The following LUC7L2 variants were observed in gnomAD, a reference collection of about 807,000 sequenced individuals.
LUC7L2 encodes the protein putative RNA-binding protein Luc7-like 2.
In LUC7L2, 25 loss-of-function variants were observed where a neutral mutation model predicts 52.8. That is an observed-to-expected ratio of 0.47 (90% CI 0.34 to 0.66). The LOEUF is 0.66. LUC7L2 is among the 30% of genes least tolerant of loss of function. The pLI, the probability that LUC7L2 is intolerant of heterozygous loss-of-function variation, is 0.01. For synonymous variants in LUC7L2, 144 were observed against 160.9 expected, an observed-to-expected ratio of 0.89 and a Z score of 0.80; for missense variants, 328 against 497.8, an observed-to-expected ratio of 0.66 and a Z score of 3.25.
intron 1 of LUC7L2, among the ~76,000 whole-genome samples, chr7:139,345,166 T>C (rs545240414): frequency 6.6e-6 from 1 of 152,134 alleles, no homozygotes; most frequent in Non-Finnish European, 1.5e-5. Flanking sequence ...AATTATAATT[T>C]CCATATCTAC....
At chr7:139,391,475 C>G (rs1202728695) in intron 2 of LUC7L2, among the ~76,000 whole-genome samples, 1 of 152,176 alleles carries the variant, frequency 6.6e-6, no homozygotes, top group Non-Finnish European at 1.5e-5. Context: ...GCAGTACACT[C>G]AAAATGTATA....
intron 1 of LUC7L2, among the ~76,000 whole-genome samples, chr7:139,354,804 G>C (rs1799560129): frequency 6.6e-6 from 1 of 151,248 alleles, no homozygotes; most frequent in African/African-American, 2.4e-5. Flanking sequence ...CTAGGACCCT[G>C]AAATTCAATC....
chr7:139,351,494 C>T (rs1384456287), intron 1 of LUC7L2, among the ~76,000 whole-genome samples: 2 of 152,238 alleles, frequency 1.3e-5, no homozygotes, highest in East Asian at 1.9e-4. Context: ...ACTGCCCTCC[C>T]TAATTGGTCC....
rs117442099 is a variant in LUC7L2, at chr7:139,369,764, G to A, written c.62-6298G>A. Among the ~76,000 whole-genome samples, 322 of 152,276 alleles carry A rather than the reference G, an allele frequency of 2.1e-3. 6 individuals are homozygous for A. Among genetic ancestry groups the A allele is most frequent in the Admixed American group, 3.9e-3 (59 of 15,296 alleles). On this transcript the variant is annotated intron_variant, in intron 1 of 9. Coordinates refer to ENST00000354926, the MANE Select transcript of LUC7L2 (RefSeq NM_016019.5). ...ACTTGTTCTGGAGATTTCTTCTACA[G>A]TGGGCATCACATTTTAAAAATGTTT...
At chr7:139,410,019 A>C (rs1184449173) in intron 7 of LUC7L2, among the ~76,000 whole-genome samples, 1 of 152,152 alleles carries the variant, frequency 6.6e-6, no homozygotes, top group African/African-American at 2.4e-5. Context: ...CATCCTGGCT[A>C]ACACGGTGAA....
chr7:139,407,072 A>G, intron 5 of LUC7L2, 102 bp from the exon 6 acceptor site: 2 of 1,010,620 alleles, frequency 2.0e-6, no homozygotes, highest in Non-Finnish European at 2.4e-6. Flanking sequence ...ACTTTTGTGT[A>G]TTTTTTAGAA....
chr7:139,361,576 A>G (rs2131178307), intron 1 of LUC7L2, among the ~76,000 whole-genome samples: 1 of 152,370 alleles, frequency 6.6e-6, no homozygotes, highest in Non-Finnish European at 1.5e-5. Flanking sequence ...TATATAGACA[A>G]ATAGGTGTAG....
chr7:139,396,270 C>CTACT (rs928603271), intron 2 of LUC7L2, among the ~76,000 whole-genome samples: 2 of 151,688 alleles, frequency 1.3e-5, no homozygotes, highest in African/African-American at 4.8e-5. Flanking sequence ...CCCTTTGTCT[C>CTACT]TACTTAAAAA....
intron 1 of LUC7L2, among the ~76,000 whole-genome samples, chr7:139,362,252 TTGAG>T (rs752469566): frequency 2.6e-5 from 4 of 152,300 alleles, no homozygotes; most frequent in South Asian, 2.1e-4. Context: ...GGAAAAATAA[TTGAG>T]TGGAGTTTTT....
At chr7:139,358,374 A>G (rs1799686908), upstream of LUC7L2, among the ~76,000 whole-genome samples, 1 of 152,232 alleles carries the variant, frequency 6.6e-6, no homozygotes, top group African/African-American at 2.4e-5. Flanking sequence ...ATCTGCTAAT[A>G]ACAGTTCCAA....
intron 1 of LUC7L2, among the ~76,000 whole-genome samples, chr7:139,373,216 T>A (rs1800543632): frequency 6.6e-6 from 1 of 152,212 alleles, no homozygotes; most frequent in Non-Finnish European, 1.5e-5. Context: ...TGAATTGTAC[T>A]GCCATGGAAT....
At chr7:139,364,200 G>A (rs976330072) in intron 1 of LUC7L2, among the ~76,000 whole-genome samples, 1 of 151,868 alleles carries the variant, frequency 6.6e-6, no homozygotes, top group Non-Finnish European at 1.5e-5. Context: ...GGCCAGGATG[G>A]TCTCGAACTC....
At chr7:139,389,832 A>G (rs1794353391) in intron 2 of LUC7L2, among the ~76,000 whole-genome samples, 1 of 152,178 alleles carries the variant, frequency 6.6e-6, no homozygotes, top group Non-Finnish European at 1.5e-5. Flanking sequence ...TCAATATGCA[A>G]AAATAAGTAG....
In LUC7L2 at chr7:139,423,133, AAAATG is replaced by A. The variant is rs1795969224; in HGVS notation, c.*797_*801del. The A allele has an allele frequency of 1.5e-5, 6 of 398,916 alleles. No individual in the cohort carries two copies. The East Asian group carries it at 1.8e-4, about 12-fold the overall frequency. The allele number at this position is 398,916 out of a possible 1,614,324, so 24.7% of individuals were successfully genotyped here. ...CTTATTGTAAAAAAATAATAATAATAAAATGAAAGAAACAATCACCACCACCATTA... is the reference window on the plus strand; with the variant it reads ...CTTATTGTAAAAAAATAATAATAATAAAAGAAACAATCACCACCACCATTA... On this transcript the variant is annotated 3_prime_UTR_variant, in exon 10 of 10. Coordinates refer to ENST00000354926, the MANE Select transcript of LUC7L2 (RefSeq NM_016019.5).
rs531453985 is a variant in LUC7L2 at position 139,353,123 on chromosome 7, G to A, written c.-26+12606G>A. Among the ~76,000 whole-genome samples, 7 of 152,176 alleles carry A rather than the reference G, an allele frequency of 4.6e-5. No homozygotes were observed. In the South Asian group the frequency reaches 1.0e-3, roughly 23 times the overall value. Reference sequence around the variant, plus strand: ...TGAGGCAGAGAATCGCTTAAACCTGGGAGGCAGAGGTTGCAGTGAGCCAAG... The same window carrying A: ...TGAGGCAGAGAATCGCTTAAACCTGAGAGGCAGAGGTTGCAGTGAGCCAAG... On this transcript the variant is annotated intron_variant, in intron 1 of 10. Coordinates refer to the LUC7L2 transcript ENST00000541170.
intron 1 of LUC7L2, among the ~76,000 whole-genome samples, chr7:139,366,175 T>C (rs543874592): frequency 1.3e-5 from 2 of 152,374 alleles, no homozygotes; most frequent in East Asian, 3.9e-4. Flanking sequence ...TTAAAACTTC[T>C]TTCCAAAAAG....
In LUC7L2 at chr7:139,405,718, G is replaced by T; in HGVS notation, c.441G>T (p.Gly147=). Residue 147 remains glycine (G), a synonymous_variant, in exon 5 of 10, where the codon GGG becomes GGT. Coordinates refer to ENST00000354926, the MANE Select transcript of LUC7L2 (RefSeq NM_016019.5). ...LAKVEQLGAE[G]NVEESQKVMD... ...AGGTGGAACAACTAGGAGCTGAAGG[G>T]AATGTGGAGGAATCCCAGAAAGTAA... 3 of 1,613,136 alleles carry T rather than the reference G, an allele frequency of 1.9e-6. No homozygotes were observed. The highest frequency in any genetic ancestry group is 2.5e-6 in the Non-Finnish European group (3 of 1,179,674).
In LUC7L2 at chr7:139,412,554, C is replaced by T. The variant is rs575448096; in HGVS notation, c.783C>T (p.Ser261=). The T allele has an allele frequency of 3.1e-6, 5 of 1,600,234 alleles. No individual in the cohort carries two copies. The highest frequency in any genetic ancestry group is 4.5e-5 in the East Asian group (2 of 44,552). ...AATACATATTTTTTTTTTTTAGGTCCCGATCACACAGCAAGAATCCAAAAA... is the reference window on the plus strand; with the variant it reads ...AATACATATTTTTTTTTTTTAGGTCTCGATCACACAGCAAGAATCCAAAAA... ...EREEREKLRR[S]RSHSKNPKRS... Residue 261 remains serine (S), a synonymous_variant, in exon 8 of 10, where the codon TCC becomes TCT. Transcript: ENST00000354926.
intron 5 of LUC7L2, among the ~76,000 whole-genome samples, 174 bp from the exon 6 acceptor site, chr7:139,407,000 G>GTTT (rs779013466): frequency 0.14 from 15,498 of 109,090 alleles, 1,228 homozygotes; most frequent in Middle Eastern, 0.19. Flanking sequence ...ATGCTTTTGT[G>GTTT]GTTTTTTTTT....
Sources: gnomAD v4.1 joint callset for allele counts (sites outside exome capture counted in the v4.1 genomes callset) on GRCh38, gnomAD v4.1.1 for gene constraint, MANE v1.5 for transcripts, NCBI Gene and HGNC (gene_info 2026-07-23, HGNC 2026-07-21) for gene names.